Variants in CCSER1 observed in about 807,000 individuals in gnomAD.
CCSER1 encodes coiled-coil serine rich protein 1, also known as serine-rich coiled-coil domain-containing protein 1.
A neutral mutation model predicts 82.0 loss-of-function variants in CCSER1; 41 were observed. The observed-to-expected ratio is 0.50, with a 90% CI of 0.39 to 0.65. The LOEUF is 0.65. Among genes scored for constraint, CCSER1 ranks in the 30% least tolerant of loss-of-function variants. The pLI is 0.00. For synonymous variants in CCSER1, 414 were observed against 383.9 expected, an observed-to-expected ratio of 1.08 and a Z score of -0.92; for missense variants, 1,119 against 1,064.2, an observed-to-expected ratio of 1.05 and a Z score of -0.72.
chr4:90,349,781 G>A (rs1743091131), intron 3 of CCSER1, among the ~76,000 whole-genome samples: 1 of 152,062 alleles, frequency 6.6e-6, no homozygotes, highest in South Asian at 2.1e-4. Flanking sequence ...TGTGCTCAGA[G>A]CTGTTCAAGC....
chr4:90,432,683 A>ACAAT (rs1758455532), intron 4 of CCSER1, among the ~76,000 whole-genome samples: 1 of 151,722 alleles, frequency 6.6e-6, no homozygotes, highest in Non-Finnish European at 1.5e-5. Context: ...TGAAAATCCC[A>ACAAT]CAATCAATCA....
At chr4:90,443,009 C>A (rs1014194584) in intron 4 of CCSER1, among the ~76,000 whole-genome samples, 1 of 152,098 alleles carries the variant, frequency 6.6e-6, no homozygotes, top group African/African-American at 2.4e-5. Flanking sequence ...GCTGATAGTT[C>A]CAACCCTATA....
At chr4:91,383,568 T>A (rs1362496182) in intron 10 of CCSER1, among the ~76,000 whole-genome samples, 2 of 152,140 alleles carry the variant, frequency 1.3e-5, no homozygotes, top group Non-Finnish European at 2.9e-5. Context: ...GATAAATAGT[T>A]CAATCATATT....
At chr4:90,959,649 A>C (rs1433786540) in intron 9 of CCSER1, among the ~76,000 whole-genome samples, 17 of 152,216 alleles carry the variant, frequency 1.1e-4, no homozygotes, top group Non-Finnish European at 7.4e-5. Flanking sequence ...TAATGTGCCA[A>C]AGATAAATTT....
intron 6 of CCSER1, among the ~76,000 whole-genome samples, chr4:90,690,266 C>T (rs906018490): frequency 2.0e-5 from 3 of 151,922 alleles, no homozygotes; most frequent in Admixed American, 6.6e-5. Flanking sequence ...GGATGGTAAG[C>T]ATGGGAGGTC....
intron 1 of CCSER1, among the ~76,000 whole-genome samples, chr4:90,278,684 G>A (rs75054965): frequency 0.012 from 1,865 of 151,828 alleles, 26 homozygotes; most frequent in African/African-American, 0.036. Flanking sequence ...GAAAAAGGGG[G>A]GATGGAAGGG....
In CCSER1 at chr4:91,142,844, G is replaced by GT. The variant is rs200917879; in HGVS notation, c.2217+56857dup. Among the ~76,000 whole-genome samples, 720 of 152,000 alleles carry GT rather than the reference G, an allele frequency of 4.7e-3. 6 individuals are homozygous for GT. The highest frequency in any genetic ancestry group is 0.016 in the African/African-American group (673 of 41,488). Reference sequence around the variant, plus strand: ...TTCTCTTCCATTGGACTTTGTGTCTGTTTTTTTACCAGCACCATGCTATTT... The same window carrying GT: ...TTCTCTTCCATTGGACTTTGTGTCTGTTTTTTTTACCAGCACCATGCTATTT... On this transcript the variant is annotated intron_variant, in intron 10 of 10. Coordinates refer to ENST00000509176, the MANE Select transcript of CCSER1 (RefSeq NM_001145065.2).
chr4:90,238,502 A>G (rs1208698470), intron 1 of CCSER1, among the ~76,000 whole-genome samples: 1 of 152,172 alleles, frequency 6.6e-6, no homozygotes, highest in Non-Finnish European at 1.5e-5. Context: ...TCTATGAAAT[A>G]TTTTGCTTAG....
chr4:91,474,802 TATATATATATAC>T (rs759705310), intron 10 of CCSER1, among the ~76,000 whole-genome samples: 2,074 of 94,194 alleles, frequency 0.022, 21 homozygotes, highest in South Asian at 0.042. Flanking sequence ...TATATATATA[TATATATATATAC>T]ACACACACAC....
intron 10 of CCSER1, among the ~76,000 whole-genome samples, chr4:91,210,567 A>G (rs948672937): frequency 1.7e-4 from 26 of 151,724 alleles, no homozygotes; most frequent in African/African-American, 5.8e-4. Context: ...TACTCCTTCC[A>G]AATAAGCATA....
At chr4:90,951,874 C>G (rs1477970898) in intron 9 of CCSER1, among the ~76,000 whole-genome samples, 1 of 151,946 alleles carries the variant, frequency 6.6e-6, no homozygotes, top group Non-Finnish European at 1.5e-5. Flanking sequence ...CACATGAACA[C>G]TCATATTTTA....
chr4:90,148,275 CAT>C (rs1433736814), intron 1 of CCSER1, among the ~76,000 whole-genome samples: 1 of 152,096 alleles, frequency 6.6e-6, no homozygotes, highest in African/African-American at 2.4e-5. Context: ...CAAATAAACA[CAT>C]GTGCATAAGA....
chr4:91,446,506 C>T (rs1437985257), intron 10 of CCSER1, among the ~76,000 whole-genome samples: 4 of 151,338 alleles, frequency 2.6e-5, no homozygotes, highest in African/African-American at 4.8e-5. Flanking sequence ...AATTTTAAAA[C>T]GACATTTTTA....
At chr4:91,093,640 G>A (rs1194527092) in intron 10 of CCSER1, among the ~76,000 whole-genome samples, 1 of 152,202 alleles carries the variant, frequency 6.6e-6, no homozygotes, top group East Asian at 1.9e-4. Context: ...TTGAGAGGTA[G>A]GCCACTGGTC....
intron 1 of CCSER1, among the ~76,000 whole-genome samples, chr4:90,234,246 C>T (rs190518910): frequency 5.1e-4 from 76 of 149,874 alleles, no homozygotes; most frequent in Middle Eastern, 3.4e-3. Context: ...GATGGTGTCT[C>T]GCTCTTGTCA....
chr4:91,255,990 T>C (rs187466818), intron 10 of CCSER1, among the ~76,000 whole-genome samples: 4 of 152,338 alleles, frequency 2.6e-5, no homozygotes, highest in Non-Finnish European at 5.9e-5. Flanking sequence ...ACAAGGGAGA[T>C]AACCATTAAG....
At chr4:91,150,522 T>C (rs1730065076) in intron 10 of CCSER1, among the ~76,000 whole-genome samples, 1 of 152,214 alleles carries the variant, frequency 6.6e-6, no homozygotes, top group South Asian at 2.1e-4. Context: ...CTATGTTGAA[T>C]AGGAGTGGTG....
chr4:90,579,613 A>G (rs1222147279), intron 5 of CCSER1, among the ~76,000 whole-genome samples: 3 of 152,140 alleles, frequency 2.0e-5, no homozygotes, highest in African/African-American at 7.2e-5. Flanking sequence ...GACTGTAGCT[A>G]TTTTCAAAAG....
chr4:90,998,714 C>A (rs1453947667), intron 9 of CCSER1, among the ~76,000 whole-genome samples: 1 of 115,982 alleles, frequency 8.6e-6, no homozygotes. Context: ...TCTAATTTAG[C>A]ATTACACAGT....
Sources: gnomAD v4.1 joint callset for allele counts (sites outside exome capture counted in the v4.1 genomes callset) on GRCh38, gnomAD v4.1.1 for gene constraint, MANE v1.5 for transcripts, NCBI Gene and HGNC (gene_info 2026-07-23, HGNC 2026-07-21) for gene names.